SEC14L1: variants seen among roughly 807,000 people sequenced by gnomAD.
The protein encoded by SEC14L1 is SEC14 like lipid binding 1.
Under a neutral mutation model 85.3 loss-of-function variants are expected in SEC14L1, and 48 were observed. The observed-to-expected ratio is 0.56, with a 90% confidence interval of 0.45 to 0.72. The LOEUF (loss-of-function observed/expected upper bound fraction) is 0.72. Among genes scored for constraint, SEC14L1 ranks in the 30% least tolerant of loss-of-function variants. The pLI is 0.00. For missense variants in SEC14L1, 682 were observed against 921.4 expected, an observed-to-expected ratio of 0.74 and a Z score of 3.36; for synonymous variants, 391 against 355.5, an observed-to-expected ratio of 1.10 and a Z score of -1.12.
chr17:77,143,172 T>G (rs1333802586), intron 2 of SEC14L1, among the ~76,000 whole-genome samples: 1 of 152,254 alleles, frequency 6.6e-6, no homozygotes, highest in African/African-American at 2.4e-5. Context: ...TTTATTTGGC[T>G]TCTAGTAGAA....
chr17:77,113,509 C>T (rs1326770512), intron 3 of SEC14L1, among the ~76,000 whole-genome samples: 10 of 152,152 alleles, frequency 6.6e-5, no homozygotes, highest in Admixed American at 4.6e-4. Flanking sequence ...TTTGGGAGGC[C>T]GAGGCAGGTG....
intron 3 of SEC14L1, among the ~76,000 whole-genome samples, chr17:77,115,353 C>T (rs1334872256): frequency 1.3e-5 from 2 of 151,968 alleles, no homozygotes; most frequent in Non-Finnish European, 2.9e-5. Flanking sequence ...TGCTTGAACC[C>T]GGGAGGCAGA....
rs1973708521 is a variant in SEC14L1, at chr17:77,154,408, G to T, written c.63+10749G>T. Among the ~76,000 whole-genome samples, 7 of 152,334 alleles carry T rather than the reference G, an allele frequency of 4.6e-5. 1 individual carries two copies. In the South Asian group the frequency reaches 1.5e-3, roughly 32 times the overall value. On this transcript the variant is annotated intron_variant, in intron 3 of 16. Coordinates refer to ENST00000436233, the MANE Select transcript of SEC14L1 (RefSeq NM_001143998.2). ...GATTGTTTGAGCCTAGGAGTTTGAG[G>T]CTGCAGTGCCACTCTGGCCTGTGTG...
At chr17:77,137,898 G>A (rs73998622), upstream of SEC14L1, among the ~76,000 whole-genome samples, 4,246 of 152,290 alleles carry the variant, frequency 0.028, 210 homozygotes, top group African/African-American at 0.095. Flanking sequence ...ATCAGGACAG[G>A]AGGATTGCAA....
chr17:77,184,653 C>T (rs908962733), intron 3 of SEC14L1, among the ~76,000 whole-genome samples: 1 of 152,190 alleles, frequency 6.6e-6, no homozygotes, highest in Non-Finnish European at 1.5e-5. Flanking sequence ...CCTTGACCTT[C>T]CCTTGCTCCA....
chr17:77,166,250 T>C (rs564803138), intron 3 of SEC14L1, among the ~76,000 whole-genome samples: 6 of 152,360 alleles, frequency 3.9e-5, no homozygotes, highest in South Asian at 2.1e-4. Context: ...CCCCTACTTA[T>C]TCTGTGTCAG....
In SEC14L1 at chr17:77,214,484, C is replaced by G; in HGVS notation, c.*461C>G. ...GCCTCATGGCCCGCACGCCGCCTCA[C>G]GGCCCCCATGCTTCCCGCCAGTCAA... On this transcript the variant is annotated 3_prime_UTR_variant, in exon 17 of 17. Coordinates refer to ENST00000436233, the MANE Select transcript of SEC14L1 (RefSeq NM_001143998.2). 1.0e-6 allele frequency: 1 copy of G among 1,000,778 alleles called. No homozygotes were observed. Among genetic ancestry groups the G allele is most frequent in the Non-Finnish European group, 1.2e-6 (1 of 838,460 alleles). 62.0% of individuals were successfully genotyped at this position (1,000,778 alleles called of 1,614,324 possible). A position where few individuals can be genotyped will look rare whatever the true frequency, so the allele number is the denominator to read the frequency against.
At chr17:77,172,994 A>G (rs936796231) in intron 3 of SEC14L1, among the ~76,000 whole-genome samples, 3 of 152,158 alleles carry the variant, frequency 2.0e-5, no homozygotes, top group Non-Finnish European at 4.4e-5. Flanking sequence ...AGCCCTGCGA[A>G]TCATGCTCCT....
In SEC14L1 at chr17:77,156,644, ACTT is replaced by A. The variant is rs796366971; in HGVS notation, c.63+12991_63+12993del. 1.8e-4 allele frequency among the ~76,000 whole-genome samples: 27 copies of A among 150,388 alleles called. 1 individual carries two copies. The highest frequency in any genetic ancestry group is 5.8e-4 in the African/African-American group (24 of 41,082). On this transcript the variant is annotated intron_variant, in intron 3 of 16. Transcript: ENST00000436233. ...AGTGTATGCTTTCGTTTCTTGCATC[ACTT>A]CTTCTCTGTCAGTGAAATTTTGTTT...
At chr17:77,171,847 T>A (rs995055664) in intron 3 of SEC14L1, among the ~76,000 whole-genome samples, 10 of 152,208 alleles carry the variant, frequency 6.6e-5, no homozygotes, top group Non-Finnish European at 1.2e-4. Flanking sequence ...TTGCCTCGAT[T>A]TCCTTCTTTT....
intron 3 of SEC14L1, among the ~76,000 whole-genome samples, chr17:77,127,044 TG>T (rs201136459): frequency 0.011 from 1,607 of 152,046 alleles, 35 homozygotes; most frequent in Admixed American, 0.039. Flanking sequence ...GGGATACATG[TG>T]CAGAATGTGC....
intron 3 of SEC14L1, among the ~76,000 whole-genome samples, chr17:77,164,910 G>C (rs759755648): frequency 3.9e-5 from 6 of 152,168 alleles, no homozygotes; most frequent in Non-Finnish European, 8.8e-5. Context: ...CATTTATTCA[G>C]GCCACAATGG....
intron 9 of SEC14L1, among the ~76,000 whole-genome samples, chr17:77,202,975 G>A (rs1976247528): frequency 6.6e-6 from 1 of 150,888 alleles, no homozygotes; most frequent in African/African-American, 2.4e-5. Flanking sequence ...AACACAGGCT[G>A]CTTGGTGGGG....
At position 77,196,211 on chromosome 17, in the gene SEC14L1, A is replaced by G; in HGVS notation, c.719A>G (p.Asp240Gly). 1.9e-6 allele frequency: 3 copies of G among 1,613,474 alleles called. No individual in the cohort carries two copies. The highest frequency in any genetic ancestry group is 2.5e-6 in the Non-Finnish European group (3 of 1,179,442). The change falls in exon 8 of 17, where the codon GAT becomes GGT. Residue 240 changes from aspartate (D) to glycine (G), a missense_variant. Physicochemically the swap from Asp to Gly is moderately conservative, Grantham distance 94. Coordinates refer to ENST00000436233, the MANE Select transcript of SEC14L1 (RefSeq NM_001143998.2). ...GTCACTTACATTCCAGACAAACTAGATGCCGACTACATCAAGAGATACCTG... is the reference window on the plus strand; with the variant it reads ...GTCACTTACATTCCAGACAAACTAGGTGCCGACTACATCAAGAGATACCTG... ...PVVGTPDDKL[D>G]ADYIKRYLGD...
chr17:77,167,288 C>G (rs937808193), intron 3 of SEC14L1, among the ~76,000 whole-genome samples: 9 of 151,974 alleles, frequency 5.9e-5, no homozygotes, highest in Non-Finnish European at 1.2e-4. Context: ...GCACGCAGTA[C>G]TACACCCAGC....
At chr17:77,169,321 T>C (rs1030044863) in intron 3 of SEC14L1, among the ~76,000 whole-genome samples, 7 of 152,096 alleles carry the variant, frequency 4.6e-5, no homozygotes, top group African/African-American at 1.7e-4. Context: ...CAGATGGCCC[T>C]CGGGGGCTGA....
At chr17:77,150,300 G>T (rs934556623) in intron 3 of SEC14L1, among the ~76,000 whole-genome samples, 1 of 152,196 alleles carries the variant, frequency 6.6e-6, no homozygotes, top group African/African-American at 2.4e-5. Flanking sequence ...ACTAGTGTAA[G>T]ACTGCTGTGA....
At chr17:77,146,955 G>A (rs1567893194) in intron 3 of SEC14L1, among the ~76,000 whole-genome samples, 1 of 152,124 alleles carries the variant, frequency 6.6e-6, no homozygotes, top group Non-Finnish European at 1.5e-5. Context: ...ACCTGAAAAT[G>A]CCCTTTTCAG....
rs1977089378 is a variant in SEC14L1 at position 77,216,342 on chromosome 17, TTAGTAGGTAGGG to T, written c.*2320_*2331del. The stretch of plus-strand genomic sequence containing the variant: ...TAGTAGGTAGGGCTAGTAGGTAGGG[TTAGTAGGTAGGG>T]CTAGTAGGTAGGGCTAGTAGGTAGG... On this transcript the variant is annotated 3_prime_UTR_variant, in exon 17 of 17. Coordinates refer to ENST00000436233, the MANE Select transcript of SEC14L1 (RefSeq NM_001143998.2). The T allele has an allele frequency of 1.8e-6, 2 of 1,101,434 alleles. No homozygotes were observed. The highest frequency in any genetic ancestry group is 2.6e-5 in the African/African-American group (1 of 38,970). 68.2% of individuals were successfully genotyped at this position (1,101,434 alleles called of 1,614,324 possible). A position where few individuals can be genotyped will look rare whatever the true frequency, so the allele number is the denominator to read the frequency against.
Sources: allele counts gnomAD v4.1 joint callset (sites outside exome capture counted in the v4.1 genomes callset), GRCh38; gene constraint gnomAD v4.1.1; transcripts MANE v1.5; gene names NCBI Gene and HGNC (gene_info 2026-07-23, HGNC 2026-07-21).